Variants in CUEDC1 observed in about 807,000 individuals in gnomAD.
CUEDC1 encodes CUE domain-containing protein 1.
A neutral mutation model predicts 43.7 loss-of-function variants in CUEDC1; 30 were observed. The ratio of observed to expected loss-of-function variants is 0.69; its 90% CI spans 0.51 to 0.93. The LOEUF (loss-of-function observed/expected upper bound fraction) is 0.93. Among genes scored for constraint, CUEDC1 ranks in the 40% least tolerant of loss-of-function variants. CUEDC1 has a pLI of 0.00. For synonymous variants in CUEDC1, 223 were observed against 223.6 expected (o/e 1.00, Z 0.02); for missense variants, 486 against 549.0 (o/e 0.89, Z 1.15).
chr17:57,886,414 A>G (rs575317595), intron 1 of CUEDC1, among the ~76,000 whole-genome samples: 4 of 152,256 alleles, frequency 2.6e-5, no homozygotes, highest in Non-Finnish European at 5.9e-5. Context: ...CCAGGGCAGG[A>G]ATCTTGTGCA....
chr17:57,893,150 G>T (rs1288389919), intron 1 of CUEDC1, among the ~76,000 whole-genome samples: 2 of 152,260 alleles, frequency 1.3e-5, no homozygotes, highest in African/African-American at 2.4e-5. Flanking sequence ...TGTAACCATG[G>T]TTGAGTCCTG....
chr17:57,935,932 C>G (rs1280581533), intron 1 of CUEDC1, among the ~76,000 whole-genome samples: 1 of 152,196 alleles, frequency 6.6e-6, no homozygotes, highest in Non-Finnish European at 1.5e-5. Context: ...GAGAGAAAGA[C>G]CAGGGGACTT....
chr17:57,871,809 A>G (rs2074038243), intron 5 of CUEDC1, among the ~76,000 whole-genome samples: 1 of 152,226 alleles, frequency 6.6e-6, no homozygotes, highest in Non-Finnish European at 1.5e-5. Context: ...CTATAATCCC[A>G]GCTACTTGAA....
intron 1 of CUEDC1, among the ~76,000 whole-genome samples, chr17:57,923,224 C>A (rs916078593): frequency 1.3e-5 from 2 of 152,182 alleles, no homozygotes; most frequent in African/African-American, 4.8e-5. Context: ...GGGCAGATGG[C>A]TGGAAAGGTT....
In CUEDC1 at chr17:57,954,626, G is replaced by A. The variant is rs530811772; in HGVS notation, c.-316+599C>T. ...AGCGCATTCCCAACTTTCCCTGGCC[G>A]AGCTGACGGGAGATACAGCTCCCAG... On this transcript the variant is annotated intron_variant, in intron 1 of 10. Coordinates refer to ENST00000577830, the MANE Select transcript of CUEDC1 (RefSeq NM_001271875.2). This position sits in a 1 kb window ranked among gnomAD's most constrained non-coding sequence, Gnocchi z 4.3. Among the ~76,000 whole-genome samples, 1 of 152,124 alleles carries A rather than the reference G, an allele frequency of 6.6e-6. No homozygotes were observed. Among genetic ancestry groups the A allele is most frequent in the African/African-American group, 2.4e-5 (1 of 41,478 alleles).
intron 1 of CUEDC1, among the ~76,000 whole-genome samples, chr17:57,893,308 AGGAAG>A (rs2074374360): frequency 6.7e-6 from 1 of 149,464 alleles, no homozygotes; most frequent in Admixed American, 6.6e-5. Context: ...AGGGGGTGAA[AGGAAG>A]GGAAGAGGAG....
In CUEDC1 at chr17:57,867,388, G is replaced by A; in HGVS notation, c.1062C>T (p.Asn354=). The A allele has an allele frequency of 6.4e-7, 1 of 1,552,576 alleles. No individual in the cohort carries two copies. Among genetic ancestry groups the A allele is most frequent in the Non-Finnish European group, 8.7e-7 (1 of 1,147,442 alleles). The stretch of plus-strand genomic sequence containing the variant: ...CGTGGCCCTCCACATCATCCAGGAG[G>A]TTGGCTGTTGACGCGGCAGCCCCCA... The part of the protein sequence containing the change: ...QSLGAAASTA[N]LLDDVEGHAC... The change falls in exon 9 of 11, where the codon AAC becomes AAT. Residue 354 remains asparagine (N), a synonymous_variant. Transcript: ENST00000577830.
Position 57,885,408 on chromosome 17 carries a change from C to T in CUEDC1, c.157G>A (p.Asp53Asn). 4 of 1,607,466 alleles carry T rather than the reference C, an allele frequency of 2.5e-6. No homozygotes were observed. Among genetic ancestry groups the T allele is most frequent in the Admixed American group, 1.7e-5 (1 of 59,228 alleles). Residue 53 changes from aspartate (D) to asparagine (N), a missense_variant, in exon 2 of 11, where the codon GAC becomes AAC. Asp to Asn is a conservative substitution (Grantham distance 23). Transcript: ENST00000577830. ...ATGTTGGGGAACATGGTCTTGAAGT[C>T]GTCCATGGCCTGGTTGAACTCCAGG... ...RRLEFNQAMD[D>N]FKTMFPNMDY...
intron 1 of CUEDC1, among the ~76,000 whole-genome samples, chr17:57,938,945 G>A (rs562740366): frequency 1.0e-3 from 150 of 148,260 alleles, no homozygotes; most frequent in Non-Finnish European, 1.7e-3. Context: ...ACAGGCACGA[G>A]CCACCGTGCC....
At position 57,888,235 on chromosome 17, in the gene CUEDC1, A is replaced by C. The variant is rs116809871; in HGVS notation, c.-315-2356T>G. On this transcript the variant is annotated intron_variant, in intron 1 of 10. Coordinates refer to ENST00000577830, the MANE Select transcript of CUEDC1 (RefSeq NM_001271875.2). ...TTCTTTGCATATACCACCATAAATGAATTTATTTTACTAAAATGTAATCAA... is the reference window on the plus strand; with the variant it reads ...TTCTTTGCATATACCACCATAAATGCATTTATTTTACTAAAATGTAATCAA... Among the ~76,000 whole-genome samples the C allele has an allele frequency of 5.3e-3, 801 of 152,274 alleles. 7 individuals are homozygous for C. The highest frequency in any genetic ancestry group is 0.018 in the African/African-American group (735 of 41,558).
At chr17:57,879,794 A>G (rs749677413) in intron 2 of CUEDC1, 56 bp from the exon 3 acceptor site, 39 of 1,538,168 alleles carry the variant, frequency 2.5e-5, no homozygotes, top group Non-Finnish European at 3.3e-5. Flanking sequence ...GAATTTAAAT[A>G]CCATTCAGAC....
chr17:57,919,801 A>C (rs2074681564), intron 1 of CUEDC1, among the ~76,000 whole-genome samples: 1 of 152,186 alleles, frequency 6.6e-6, no homozygotes, highest in Non-Finnish European at 1.5e-5. Context: ...ATACCATACA[A>C]GATATATTCA....
At chr17:57,934,217 GC>G (rs2074837272) in intron 1 of CUEDC1, among the ~76,000 whole-genome samples, 1 of 151,976 alleles carries the variant, frequency 6.6e-6, no homozygotes, top group South Asian at 2.1e-4. Flanking sequence ...TATGGTGAAA[GC>G]CCGTCTCTAC....
chr17:57,944,487 G>A (rs754838908), intron 1 of CUEDC1, among the ~76,000 whole-genome samples: 3 of 152,224 alleles, frequency 2.0e-5, no homozygotes, highest in Non-Finnish European at 4.4e-5. Flanking sequence ...TGGGATTACA[G>A]GCGTGAGCCA....
chr17:57,884,345 G>T (rs535541158), intron 2 of CUEDC1, among the ~76,000 whole-genome samples: 1 of 151,274 alleles, frequency 6.6e-6, no homozygotes, highest in Admixed American at 6.6e-5. Context: ...CTACAGGTGC[G>T]CACCACCACG....
Position 57,872,643 on chromosome 17 carries a change from T to C in CUEDC1, c.784+20A>G. On this transcript the variant is annotated intron_variant, in intron 5 of 10. Coordinates refer to ENST00000577830, the MANE Select transcript of CUEDC1 (RefSeq NM_001271875.2). Reference sequence around the variant, plus strand: ...CCTCCCTTCTTCAGCCAGGGAGAAGTGGCTGCAGGCGCTGCCCACCTCTCT... The same window carrying C: ...CCTCCCTTCTTCAGCCAGGGAGAAGCGGCTGCAGGCGCTGCCCACCTCTCT... 7 of 1,611,950 alleles carry C rather than the reference T, an allele frequency of 4.3e-6. No individual in the cohort carries two copies. The highest frequency in any genetic ancestry group is 1.1e-5 in the South Asian group (1 of 91,026).
chr17:57,938,450 G>A (rs1427451397), intron 1 of CUEDC1, among the ~76,000 whole-genome samples: 1 of 151,784 alleles, frequency 6.6e-6, no homozygotes, highest in African/African-American at 2.4e-5. Context: ...CCCTCACAGC[G>A]TTATAATCCT....
At chr17:57,899,640 A>T (rs1360738472) in intron 1 of CUEDC1, among the ~76,000 whole-genome samples, 2 of 152,020 alleles carry the variant, frequency 1.3e-5, no homozygotes, top group Non-Finnish European at 2.9e-5. Context: ...ACTGCCACAC[A>T]CACCAGCTCA....
Position 57,930,354 on chromosome 17 carries a change from G to T in CUEDC1, c.-316+24871C>A, listed in dbSNP as rs2074792051. Among the ~76,000 whole-genome samples, 1 of 152,210 alleles carries T rather than the reference G, an allele frequency of 6.6e-6. No homozygotes were observed. Among genetic ancestry groups the T allele is most frequent in the Non-Finnish European group, 1.5e-5 (1 of 68,046 alleles). ...AGCAAAGGCTCACCAGTTAGCACTG[G>T]CTGTGAGGAGGCCAGAAGGTAGCCC... is the stretch of plus-strand genomic sequence containing the variant. On this transcript the variant is annotated intron_variant, in intron 1 of 10. Coordinates refer to ENST00000577830, the MANE Select transcript of CUEDC1 (RefSeq NM_001271875.2). This position sits in a 1 kb window ranked among gnomAD's most constrained non-coding sequence, Gnocchi z 4.2.
Sources: allele counts gnomAD v4.1 joint callset (sites outside exome capture counted in the v4.1 genomes callset), GRCh38; gene constraint gnomAD v4.1.1; non-coding constraint Gnocchi (gnomAD v3.1); transcripts MANE v1.5; gene names NCBI Gene and HGNC (gene_info 2026-07-23, HGNC 2026-07-21).